GREP1: variants seen among roughly 807,000 people sequenced by gnomAD.
GREP1 encodes glycine rich extracellular protein 1.
At position 2,998,756 on chromosome 16, in the gene GREP1, C is replaced by T. The variant is rs559252096; in HGVS notation, c.1013-92C>T. On this transcript the variant is annotated intron_variant, in intron 25 of 34. Coordinates refer to ENST00000573315, the Ensembl canonical transcript of GREP1. Reference sequence around the variant, plus strand: ...GGTCTGCCCTAGAAGCCACTACAGGCCGGTGGCTTGGCCAGGCCAAGGCCT... The same window carrying T: ...GGTCTGCCCTAGAAGCCACTACAGGTCGGTGGCTTGGCCAGGCCAAGGCCT... 56 of 398,880 alleles carry T rather than the reference C, an allele frequency of 1.4e-4. 1 individual carries two copies. Among genetic ancestry groups the T allele is most frequent in the African/African-American group, 9.4e-4 (46 of 48,768 alleles). 24.7% of individuals were successfully genotyped at this position (398,880 alleles called of 1,614,324 possible).
chr16:2,999,392 C>A (rs962241555), intron 27 of GREP1: 9 of 398,322 alleles, frequency 2.3e-5, no homozygotes, highest in Non-Finnish European at 3.5e-5. Context: ...TCAGGGTCAC[C>A]CCTCCATCAC....
intron 18 of GREP1, among the ~76,000 whole-genome samples, chr16:2,996,263 G>A (rs2072424358): frequency 1.3e-5 from 2 of 152,210 alleles, no homozygotes; most frequent in African/African-American, 4.8e-5. Flanking sequence ...GAAGGGGGAA[G>A]ACAAAGATCG....
intron 2 of GREP1, 53 bp downstream of exon 2, chr16:2,988,675 C>T (rs1437045765): frequency 2.5e-6 from 1 of 398,802 alleles, no homozygotes; most frequent in African/African-American, 2.1e-5. Context: ...TCTCTCCTGC[C>T]CTGGGGGTGT....
rs2072460806 is a variant in GREP1, at chr16:3,001,279, A to T, written c.1532-2A>T. 3 of 399,040 alleles carry T rather than the reference A, an allele frequency of 7.5e-6. No homozygotes were observed. The highest frequency in any genetic ancestry group is 7.1e-5 in the East Asian group (2 of 28,082). The allele number at this position is 399,040 out of a possible 1,614,324, so 24.7% of individuals were successfully genotyped here. On this transcript the variant is annotated splice_acceptor_variant, in intron 33 of 34. Transcript: ENST00000573315. LOFTEE classifies it high-confidence loss of function. Reference sequence around the variant, plus strand: ...CTCCTGGTCTGTCTGTCTGTGCCACAGGGGGCCCCGACGTGAAGAGAGGCA... The same window carrying T: ...CTCCTGGTCTGTCTGTCTGTGCCACTGGGGGCCCCGACGTGAAGAGAGGCA...
In GREP1 at chr16:2,992,915, C is replaced by G. The variant is rs1000170143; in HGVS notation, c.353-16C>G. Reference sequence around the variant, plus strand: ...CCCAGAGGAAAGGATCCCTCACCCTCTCATCTTCCCCCCAGGCTTTGGAGG... The same window carrying G: ...CCCAGAGGAAAGGATCCCTCACCCTGTCATCTTCCCCCCAGGCTTTGGAGG... On this transcript the variant is annotated splice_polypyrimidine_tract_variant and intron_variant, in intron 9 of 34. Transcript: ENST00000573315. This position sits in a 1 kb window ranked among gnomAD's most constrained non-coding sequence, Gnocchi z 4.9. 4.0e-5 allele frequency: 16 copies of G among 398,994 alleles called. No individual in the cohort carries two copies. The highest frequency in any genetic ancestry group is 6.2e-5 in the Non-Finnish European group (14 of 226,110). The allele number at this position is 398,994 out of a possible 1,614,324, so 24.7% of individuals were successfully genotyped here. A position where few individuals can be genotyped will look rare whatever the true frequency, so the allele number is the denominator to read the frequency against.
At chr16:2,998,440 C>G (rs976783340) in intron 24 of GREP1, 52 bp downstream of exon 22, 1 of 399,160 alleles carries the variant, frequency 2.5e-6, no homozygotes, top group Admixed American at 4.4e-5. Context: ...CCTCTCAGCC[C>G]TTCTAGCCTC....
intron 19 of GREP1, 29 bp from the exon 19 acceptor site, chr16:2,996,644 G>T (rs2072426556): frequency 2.5e-6 from 1 of 398,982 alleles, no homozygotes; most frequent in Non-Finnish European, 4.4e-6. Context: ...ACTGGCTGGA[G>T]TTGATGTCAG....
At position 2,992,710 on chromosome 16, in the gene GREP1, GGTCAC is replaced by G; in HGVS notation, c.323-93_323-89del. 2.5e-6 allele frequency: 1 copy of G among 397,964 alleles called. No individual in the cohort carries two copies. The highest frequency in any genetic ancestry group is 4.4e-6 in the Non-Finnish European group (1 of 225,764). The allele number at this position is 397,964 out of a possible 1,614,324, so 24.7% of individuals were successfully genotyped here. On this transcript the variant is annotated intron_variant, in intron 8 of 34. Coordinates refer to ENST00000573315, the Ensembl canonical transcript of GREP1. This position sits in a 1 kb window ranked among gnomAD's most constrained non-coding sequence, Gnocchi z 4.9. Reference sequence around the variant, plus strand: ...ACAAGACAGAAAGGCAGAGGGCAGGGGTCACGCGAGACAGAAAGGGAGAGGGCAGG... The same window carrying G: ...ACAAGACAGAAAGGCAGAGGGCAGGGGCGAGACAGAAAGGGAGAGGGCAGG...
At chr16:2,999,420 C>T in intron 27 of GREP1, 1 of 386,958 alleles carries the variant, frequency 2.6e-6, no homozygotes, top group African/African-American at 2.1e-5. Flanking sequence ...CCCTAGGCTG[C>T]CTAAGCTATT....
chr16:2,991,520 C>G lies in GREP1; in HGVS notation c.322+419C>G, dbSNP rs1246299599. ...AACCCTCATTCTTAGGGGAGGAGCT[C>G]TTAGGGTCAATGTCAGCCTCTTTCT... On this transcript the variant is annotated intron_variant, in intron 8 of 34. Coordinates refer to ENST00000573315, the Ensembl canonical transcript of GREP1. This position sits in a 1 kb window ranked among gnomAD's most constrained non-coding sequence, Gnocchi z 4.9. The G allele has an allele frequency of 6.1e-6, 1 of 163,112 alleles. No individual in the cohort carries two copies. 10.1% of individuals were successfully genotyped at this position (163,112 alleles called of 1,614,324 possible).
Position 2,992,465 on chromosome 16 carries a change from T to TG in GREP1, c.323-335dup. ...TCGGGGCCGAAGGGGCTGGGGTGGC[T>TG]GGGGGAGAGGTCAGGGGCCCAGGGC... On this transcript the variant is annotated intron_variant, in intron 8 of 34. Coordinates refer to ENST00000573315, the Ensembl canonical transcript of GREP1. This position sits in a 1 kb window ranked among gnomAD's most constrained non-coding sequence, Gnocchi z 4.9. 5.1e-6 allele frequency: 1 copy of TG among 197,894 alleles called. No individual in the cohort carries two copies. Among genetic ancestry groups the TG allele is most frequent in the East Asian group, 1.2e-4 (1 of 8,644 alleles). 12.3% of individuals were successfully genotyped at this position (197,894 alleles called of 1,614,324 possible). A position where few individuals can be genotyped will look rare whatever the true frequency, so the allele number is the denominator to read the frequency against.
intron 32 of GREP1, 73 bp from the exon 27 acceptor site, chr16:3,000,641 G>C (rs2151115012): frequency 5.0e-6 from 2 of 398,914 alleles, no homozygotes; most frequent in Middle Eastern, 1.3e-3. Context: ...TGGGAGCAGA[G>C]CCAAGCCCAA....
At chr16:3,001,528 G>A (rs758095111) in intron 34 of GREP1, 33 bp from the exon 29 acceptor site, 20 of 398,968 alleles carry the variant, frequency 5.0e-5, no homozygotes, top group South Asian at 1.3e-4. Context: ...CCAGGGCCCC[G>A]CCCCTCCCTA....
At chr16:3,001,166 G>A (rs1401681664) in intron 33 of GREP1, 115 bp from the exon 28 acceptor site, 5 of 398,852 alleles carry the variant, frequency 1.3e-5, no homozygotes, top group Middle Eastern at 6.2e-4. Context: ...CTGAGGCAGA[G>A]CTGAGCCCTG....
chr16:3,000,335 C>T (rs1489427745), exon 30 of GREP1: 11 of 399,154 alleles, frequency 2.8e-5, no homozygotes, highest in South Asian at 1.3e-4. Flanking sequence ...GGGTCTTCCC[C>T]GAGGCCCACC....
At chr16:2,997,863 C>T in intron 23 of GREP1, 28 bp downstream of exon 21, 3 of 398,666 alleles carry the variant, frequency 7.5e-6, no homozygotes, top group Non-Finnish European at 1.3e-5. Flanking sequence ...CTCACTCTCC[C>T]TACCTGCAGA....
intron 7 of GREP1, 109 bp from the exon 7 acceptor site, chr16:2,990,939 G>A (rs576769566): frequency 2.5e-6 from 1 of 398,912 alleles, no homozygotes; most frequent in Non-Finnish European, 4.4e-6. Context: ...AGAAGCCAGA[G>A]GCGAGGCCGC....
intron 18 of GREP1, 128 bp from the exon 18 acceptor site, chr16:2,996,368 G>A: frequency 7.5e-6 from 3 of 397,720 alleles, no homozygotes; most frequent in Non-Finnish European, 1.3e-5. Flanking sequence ...GTGTCTCTCT[G>A]TAGGCCTGGG....
exon 1 of GREP1, chr16:2,988,283 G>A (rs977548945): frequency 4.5e-5 from 18 of 399,070 alleles, no homozygotes; most frequent in African/African-American, 8.2e-5. Context: ...AGTCATGGGC[G>A]CCTGGGCCTT....
Sources: gnomAD v4.1 joint callset for allele counts (sites outside exome capture counted in the v4.1 genomes callset) on GRCh38, gnomAD v4.1.1 for gene constraint, Gnocchi (gnomAD v3.1) non-coding constraint, MANE v1.5 for transcripts, NCBI Gene and HGNC (gene_info 2026-07-23, HGNC 2026-07-21) for gene names.